ENPP3: variants seen among roughly 807,000 people sequenced by gnomAD.
The protein encoded by ENPP3 is ectonucleotide pyrophosphatase/phosphodiesterase 3.
A neutral mutation model predicts 117.8 loss-of-function variants in ENPP3; 104 were observed. The ratio of observed to expected loss-of-function variants is 0.88; its 90% CI spans 0.75 to 1.04. The LOEUF (loss-of-function observed/expected upper bound fraction) is 1.04. Among genes scored for constraint, ENPP3 ranks in the 50% least tolerant of loss-of-function variants. The probability of loss-of-function intolerance (pLI) is 0.00; values close to 1 mark genes in which losing one functional copy is unlikely to be tolerated. For missense variants in ENPP3, 1,026 were observed against 1,051.9 expected (o/e 0.98, Z 0.34); for synonymous variants, 380 against 349.9 (o/e 1.09, Z -0.96).
Position 131,693,677 on chromosome 6 carries a change from T to G in ENPP3, c.1412+53T>G. 5 of 1,562,250 alleles carry G rather than the reference T, an allele frequency of 3.2e-6. No individual in the cohort carries two copies. In the Admixed American group the frequency reaches 5.2e-5, roughly 16 times the overall value. On this transcript the variant is annotated intron_variant, in intron 15 of 24. Coordinates refer to ENST00000357639, the MANE Select transcript of ENPP3 (RefSeq NM_005021.5). ...AATGCCTTTAATAACCATTTGTCAT[T>G]ATAAGTCTACTTAACCTTACCCTGC...
At chr6:131,742,157 G>C (rs746542752) in intron 24 of ENPP3, among the ~76,000 whole-genome samples, 4 of 152,188 alleles carry the variant, frequency 2.6e-5, no homozygotes, top group East Asian at 1.9e-4. Context: ...CTTAAAATGA[G>C]GAAGAAGAGT....
chr6:131,640,247 G>A (rs373819066), intron 1 of ENPP3, among the ~76,000 whole-genome samples: 3 of 152,260 alleles, frequency 2.0e-5, no homozygotes, highest in Non-Finnish European at 2.9e-5. Context: ...GTTCCCCAAC[G>A]TTGTTTTTCT....
chr6:131,647,724 T>C (rs1778180043), intron 2 of ENPP3, among the ~76,000 whole-genome samples: 1 of 152,170 alleles, frequency 6.6e-6, no homozygotes, highest in Non-Finnish European at 1.5e-5. Flanking sequence ...ATAAATTTTT[T>C]TAATGTTTCA....
chr6:131,733,597 T>C lies in ENPP3; in HGVS notation c.1963T>C (p.Ser655Pro). The change falls in exon 21 of 25, where the codon TCG becomes CCG. Residue 655 changes from serine to proline, a missense_variant. Physicochemically the swap from Ser to Pro is moderately conservative, Grantham distance 74. Transcript: ENST00000357639. ...SYTVPQLGDT[S>P]PLPPTVPDCL... ...CTCTCTCTTTGAACAGGGAGACACATCGCCTCTGCCTCCCACTGTCCCAGA... is the reference window on the plus strand; with the variant it reads ...CTCTCTCTTTGAACAGGGAGACACACCGCCTCTGCCTCCCACTGTCCCAGA... The C allele has an allele frequency of 6.2e-7, 1 of 1,612,884 alleles. No homozygotes were observed. The highest frequency in any genetic ancestry group is 8.5e-7 in the Non-Finnish European group (1 of 1,179,074).
intron 15 of ENPP3, among the ~76,000 whole-genome samples, chr6:131,694,525 G>T (rs984300803): frequency 6.6e-6 from 1 of 152,118 alleles, no homozygotes; most frequent in Non-Finnish European, 1.5e-5. Context: ...ATGCCAGGGG[G>T]ATAGAATGAC....
At chr6:131,649,871 T>C (rs1374753348) in intron 2 of ENPP3, among the ~76,000 whole-genome samples, 156 bp from the exon 3 acceptor site, 1 of 152,204 alleles carries the variant, frequency 6.6e-6, no homozygotes, top group Admixed American at 6.5e-5. Context: ...AGTGTCATTA[T>C]TTATTACATT....
chr6:131,715,655 AG>A (rs1779872335), intron 15 of ENPP3, among the ~76,000 whole-genome samples: 1 of 151,824 alleles, frequency 6.6e-6, no homozygotes, highest in Non-Finnish European at 1.5e-5. Context: ...GCAGATCTCC[AG>A]GCATTTGGAG....
Position 131,661,849 on chromosome 6 carries a change from C to T in ENPP3, c.562+3429C>T, listed in dbSNP as rs145299343. On this transcript the variant is annotated intron_variant, in intron 6 of 24. Transcript: ENST00000357639. ...GTGTTTTCCCCCATTTCATATGTTG[C>T]CTTTTCATTTTATTGATTGTTTCCT... 1.6e-4 allele frequency among the ~76,000 whole-genome samples: 25 copies of T among 152,184 alleles called. No individual in the cohort carries two copies. The East Asian group carries it at 4.4e-3, about 27-fold the overall frequency.
At chr6:131,655,423 C>G (rs927552956) in intron 5 of ENPP3, among the ~76,000 whole-genome samples, 15 of 152,154 alleles carry the variant, frequency 9.9e-5, no homozygotes, top group African/African-American at 3.6e-4. Context: ...TGCTGCATTC[C>G]TAGTGGTTGC....
intron 14 of ENPP3, among the ~76,000 whole-genome samples, chr6:131,686,770 T>C (rs533711153): frequency 8.5e-5 from 13 of 152,330 alleles, no homozygotes; most frequent in African/African-American, 2.4e-4. Context: ...AGTATTTGGT[T>C]TTCTGTTCCT....
At chr6:131,661,462 T>C (rs569563584) in intron 6 of ENPP3, among the ~76,000 whole-genome samples, 1 of 152,150 alleles carries the variant, frequency 6.6e-6, no homozygotes, top group East Asian at 1.9e-4. Context: ...TTTTTAATTA[T>C]TGTTATTATG....
chr6:131,700,516 C>A lies in ENPP3; in HGVS notation c.1412+6892C>A. On this transcript the variant is annotated intron_variant, in intron 15 of 24. Coordinates refer to ENST00000357639, the MANE Select transcript of ENPP3 (RefSeq NM_005021.5). The stretch of plus-strand genomic sequence containing the variant: ...AGCACTCTCTTCAAAGTATTCTTCA[C>A]TTCTGAGTTCCTAAGACTACAGATA... 1.5e-6 allele frequency: 2 copies of A among 1,314,140 alleles called. 1 individual carries two copies. Among genetic ancestry groups the A allele is most frequent in the Non-Finnish European group, 2.0e-6 (2 of 988,786 alleles). 81.4% of individuals were successfully genotyped at this position (1,314,140 alleles called of 1,614,324 possible). A position where few individuals can be genotyped will look rare whatever the true frequency, so the allele number is the denominator to read the frequency against.
chr6:131,662,569 C>T (rs1049643704), intron 6 of ENPP3, among the ~76,000 whole-genome samples: 1 of 152,174 alleles, frequency 6.6e-6, no homozygotes, highest in Non-Finnish European at 1.5e-5. Context: ...GTCTATACAT[C>T]TGTTTTTATG....
intron 20 of ENPP3, among the ~76,000 whole-genome samples, chr6:131,732,464 G>GT (rs1780301622): frequency 6.6e-6 from 1 of 152,056 alleles, no homozygotes; most frequent in Admixed American, 6.5e-5. Flanking sequence ...CCAGGCTGGA[G>GT]TGCAGTGGCA....
At chr6:131,654,110 T>TTAC (rs1272883599) in intron 5 of ENPP3, among the ~76,000 whole-genome samples, 36 of 45,864 alleles carry the variant, frequency 7.8e-4, no homozygotes, top group African/African-American at 3.4e-3. Flanking sequence ...AATTTAAGTT[T>TTAC]TATTATTATT....
intron 2 of ENPP3, 129 bp downstream of exon 2, chr6:131,641,659 C>T (rs774804158): frequency 1.9e-5 from 11 of 586,208 alleles, no homozygotes; most frequent in Non-Finnish European, 3.4e-5. Flanking sequence ...CTAGACATCT[C>T]CCTTTCCCCA....
At chr6:131,651,842 G>A (rs1778270248) in intron 3 of ENPP3, among the ~76,000 whole-genome samples, 1 of 152,178 alleles carries the variant, frequency 6.6e-6, no homozygotes, top group Non-Finnish European at 1.5e-5. Context: ...TGCTGGGGAA[G>A]GAAGAAATCT....
intron 22 of ENPP3, among the ~76,000 whole-genome samples, chr6:131,737,779 A>G (rs1780430561): frequency 6.6e-6 from 1 of 152,146 alleles, no homozygotes; most frequent in Non-Finnish European, 1.5e-5. Flanking sequence ...CCCATAAGCA[A>G]CTCAGCCCTA....
At chr6:131,661,260 A>G (rs1490479597) in intron 6 of ENPP3, among the ~76,000 whole-genome samples, 3 of 152,024 alleles carry the variant, frequency 2.0e-5, no homozygotes, top group African/African-American at 7.3e-5. Flanking sequence ...TTGCTGGATC[A>G]TATACTTTTA....
Sources: gnomAD v4.1 joint callset for allele counts (sites outside exome capture counted in the v4.1 genomes callset) on GRCh38, gnomAD v4.1.1 for gene constraint, MANE v1.5 for transcripts, NCBI Gene and HGNC (gene_info 2026-07-23, HGNC 2026-07-21) for gene names.